The following VPS13B variants were observed in gnomAD, a reference collection of about 807,000 sequenced individuals.
The protein encoded by VPS13B is vacuolar protein sorting 13 homolog B.
Under a neutral mutation model 426.4 loss-of-function variants are expected in VPS13B, and 285 were observed. The observed-to-expected ratio is 0.67, with a 90% CI of 0.61 to 0.74. VPS13B has a LOEUF of 0.74. Among genes scored for constraint, VPS13B ranks in the 30% least tolerant of loss-of-function variants. The pLI is 0.00. For synonymous variants in VPS13B, 1,676 were observed against 1,676.4 expected, an observed-to-expected ratio of 1.00 and a Z score of 0.01; for missense variants, 4,537 against 4,782.6, an observed-to-expected ratio of 0.95 and a Z score of 1.51.
At chr8:99,112,828 A>G (rs945355358) in intron 6 of VPS13B, among the ~76,000 whole-genome samples, 2 of 152,190 alleles carry the variant, frequency 1.3e-5, no homozygotes, top group African/African-American at 4.8e-5. Context: ...TAGATGAGGA[A>G]AAACTTAGTG....
At chr8:99,248,768 G>A (rs767088209) in intron 17 of VPS13B, among the ~76,000 whole-genome samples, 2 of 152,052 alleles carry the variant, frequency 1.3e-5, no homozygotes, top group Non-Finnish European at 1.5e-5. Context: ...GAACCAGATG[G>A]TTTTCTTTCT....
intron 58 of VPS13B, 161 bp from the exon 59 acceptor site, chr8:99,868,128 T>C: frequency 1.3e-6 from 1 of 797,954 alleles, no homozygotes; most frequent in South Asian, 1.6e-5. Context: ...TCTACTGCCC[T>C]TGGTGTACTT....
intron 12 of VPS13B, among the ~76,000 whole-genome samples, chr8:99,141,107 A>G (rs1232509552): frequency 6.6e-6 from 1 of 152,210 alleles, no homozygotes; most frequent in Non-Finnish European, 1.5e-5. Flanking sequence ...CAATTAAGTT[A>G]TTGAATTGAA....
chr8:99,570,572 A>C (rs1307496573), intron 31 of VPS13B, among the ~76,000 whole-genome samples: 1 of 151,220 alleles, frequency 6.6e-6, no homozygotes, highest in Non-Finnish European at 1.5e-5. Flanking sequence ...TTTTTTTCTT[A>C]TGTTTTTTTA....
Position 99,506,365 on chromosome 8 carries a change from G to A in VPS13B, c.4158-772G>A, listed in dbSNP as rs543345205. On this transcript the variant is annotated intron_variant, in intron 27 of 61. Transcript: ENST00000357162. ...CTGTATCAAAATGATCTTTGCAAGTGATAATACAATATTTTGGCTGAAGTA... is the reference window on the plus strand; with the variant it reads ...CTGTATCAAAATGATCTTTGCAAGTAATAATACAATATTTTGGCTGAAGTA... Among the ~76,000 whole-genome samples, 10 of 152,268 alleles carry A rather than the reference G, an allele frequency of 6.6e-5. No homozygotes were observed. In the East Asian group the frequency reaches 1.9e-3, roughly 29 times the overall value.
chr8:99,828,396 T>TTTG, intron 51 of VPS13B, among the ~76,000 whole-genome samples: 1 of 27,476 alleles, frequency 3.6e-5, no homozygotes, highest in Non-Finnish European at 7.5e-5. Context: ...CAACCACCGT[T>TTTG]TTTTTTTTTT....
At chr8:99,390,602 G>A (rs1023330636) in intron 20 of VPS13B, among the ~76,000 whole-genome samples, 13 of 152,046 alleles carry the variant, frequency 8.6e-5, no homozygotes, top group Non-Finnish European at 1.8e-4. Context: ...ATAAAACTTT[G>A]GTTGTGGTAC....
chr8:99,451,090 A>T (rs1055962888), intron 23 of VPS13B, among the ~76,000 whole-genome samples: 12 of 152,140 alleles, frequency 7.9e-5, no homozygotes, highest in Non-Finnish European at 1.5e-4. Context: ...ATACCTTCAA[A>T]TTTTTTTAGT....
At chr8:99,327,054 G>A (rs574684320) in intron 19 of VPS13B, among the ~76,000 whole-genome samples, 1 of 152,246 alleles carries the variant, frequency 6.6e-6, no homozygotes, top group South Asian at 2.1e-4. Context: ...TCGTTTATGA[G>A]TTTCTTCCTA....
rs552280494 is a variant in VPS13B, at chr8:99,049,435, A to G, written c.291+10869A>G. On this transcript the variant is annotated intron_variant, in intron 3 of 61. Transcript: ENST00000357162. ...CATTTATGAAGCTTAGTTTTGCTGG[A>G]TACAAAATTCTTGGCAGATAATTGC... is the stretch of plus-strand genomic sequence containing the variant. 2.1e-4 allele frequency among the ~76,000 whole-genome samples: 32 copies of G among 152,210 alleles called. No homozygotes were observed. In the Middle Eastern group the frequency reaches 0.031, roughly 147 times the overall value.
At chr8:99,725,523 C>T (rs759113414) in intron 39 of VPS13B, among the ~76,000 whole-genome samples, 23 of 152,188 alleles carry the variant, frequency 1.5e-4, no homozygotes, top group Non-Finnish European at 2.8e-4. Flanking sequence ...ATCATCTCCC[C>T]ACCCCTTGGT....
At chr8:99,203,192 G>A (rs1365937712) in intron 17 of VPS13B, among the ~76,000 whole-genome samples, 1 of 152,162 alleles carries the variant, frequency 6.6e-6, no homozygotes, top group Non-Finnish European at 1.5e-5. Flanking sequence ...TCCCTGGGAT[G>A]TAAGGCTGGC....
intron 54 of VPS13B, among the ~76,000 whole-genome samples, chr8:99,843,837 G>T (rs1815838295): frequency 1.3e-5 from 2 of 152,026 alleles, no homozygotes; most frequent in Admixed American, 6.5e-5. Flanking sequence ...TTTACTCCAG[G>T]TTTGTAAGTA....
intron 19 of VPS13B, among the ~76,000 whole-genome samples, chr8:99,356,194 ACTATAC>A (rs1446446035): frequency 1.3e-5 from 2 of 152,208 alleles, no homozygotes; most frequent in Non-Finnish European, 2.9e-5. Context: ...TTAGACTGTC[ACTATAC>A]CTTTGTGACT....
chr8:99,545,926 TAGA>T (rs1823946964), intron 30 of VPS13B, among the ~76,000 whole-genome samples: 1 of 151,900 alleles, frequency 6.6e-6, no homozygotes, highest in Non-Finnish European at 1.5e-5. Context: ...TGTTGCTAAC[TAGA>T]AGATCATGAT....
At chr8:99,323,467 GAAA>G (rs1810089491) in intron 19 of VPS13B, among the ~76,000 whole-genome samples, 1 of 152,126 alleles carries the variant, frequency 6.6e-6, no homozygotes, top group Non-Finnish European at 1.5e-5. Context: ...TTTGCATTGA[GAAA>G]ACAGGCTTAG....
chr8:99,859,648 A>C (rs1031697786), intron 57 of VPS13B, among the ~76,000 whole-genome samples, 168 bp downstream of exon 57: 3 of 151,650 alleles, frequency 2.0e-5, no homozygotes, highest in Non-Finnish European at 4.4e-5. Flanking sequence ...ATAATGTCTT[A>C]TGTTTTGAAC....
chr8:99,271,564 T>G (rs1228929194), intron 17 of VPS13B, among the ~76,000 whole-genome samples: 1 of 152,178 alleles, frequency 6.6e-6, no homozygotes, highest in African/African-American at 2.4e-5. Context: ...GCTCCGAGTA[T>G]TAGTCCGTTC....
At chr8:99,176,270 G>C (rs948601110) in intron 16 of VPS13B, among the ~76,000 whole-genome samples, 3 of 152,094 alleles carry the variant, frequency 2.0e-5, no homozygotes, top group African/African-American at 7.2e-5. Context: ...GAGTAGCTGG[G>C]ATTACAGGTG....
Sources: gnomAD v4.1 joint callset for allele counts (sites outside exome capture counted in the v4.1 genomes callset) on GRCh38, gnomAD v4.1.1 for gene constraint, MANE v1.5 for transcripts, NCBI Gene and HGNC (gene_info 2026-07-23, HGNC 2026-07-21) for gene names.